The following SLIT2 variants were observed in gnomAD, a reference collection of about 807,000 sequenced individuals.
SLIT2 encodes slit guidance ligand 2, also known as slit homolog 2 protein.
A neutral mutation model predicts 185.7 loss-of-function variants in SLIT2; 41 were observed. The ratio of observed to expected loss-of-function variants is 0.22; its 90% CI spans 0.17 to 0.29. The LOEUF is 0.29. Among genes scored for constraint, SLIT2 ranks in the 10% least tolerant of loss-of-function variants. The probability of loss-of-function intolerance (pLI) is 1.00; values close to 1 mark genes in which losing one functional copy is unlikely to be tolerated. For synonymous variants in SLIT2, 693 were observed against 680.2 expected (o/e 1.02, Z -0.29); for missense variants, 1,571 against 1,909.0 (o/e 0.82, Z 3.30).
chr4:20,367,492 A>C (rs1723211377), intron 4 of SLIT2, among the ~76,000 whole-genome samples: 1 of 152,192 alleles, frequency 6.6e-6, no homozygotes, highest in Non-Finnish European at 1.5e-5. Flanking sequence ...ATTTATTTTA[A>C]ACCATTTATG....
At chr4:20,426,109 C>G (rs181260755) in intron 4 of SLIT2, among the ~76,000 whole-genome samples, 32 of 152,270 alleles carry the variant, frequency 2.1e-4, no homozygotes, top group Admixed American at 1.9e-3. Flanking sequence ...CCTTCTTCAC[C>G]ATTGCATCCT....
chr4:20,450,403 C>A (rs1448262740), intron 4 of SLIT2, among the ~76,000 whole-genome samples: 5 of 152,148 alleles, frequency 3.3e-5, no homozygotes, highest in East Asian at 1.9e-4. Flanking sequence ...TAGATATTTG[C>A]AGTTCCATTC....
At position 20,383,170 on chromosome 4, in the gene SLIT2, G is replaced by A. The variant is rs116827136; in HGVS notation, c.396-84582G>A. ...AGCTAAAACCTTGCAACTTCTAGTA[G>A]AAATAATGGAAGAAAATCTTAACTT... On this transcript the variant is annotated intron_variant, in intron 4 of 36. Transcript: ENST00000504154. Among the ~76,000 whole-genome samples the A allele has an allele frequency of 4.4e-3, 665 of 152,188 alleles. 1 individual carries two copies. The highest frequency in any genetic ancestry group is 8.6e-3 in the Admixed American group (132 of 15,278).
intron 11 of SLIT2, 134 bp downstream of exon 11, chr4:20,511,271 TTAAC>T: frequency 1.8e-6 from 1 of 559,088 alleles, no homozygotes; most frequent in Middle Eastern, 4.3e-4. Context: ...TTAATTATTA[TTAAC>T]CACTTCTGGG....
intron 4 of SLIT2, among the ~76,000 whole-genome samples, chr4:20,385,493 T>A (rs1724865328): frequency 6.6e-6 from 1 of 152,126 alleles, no homozygotes; most frequent in Non-Finnish European, 1.5e-5. Flanking sequence ...TCAGAGAGCT[T>A]GGCACATGTT....
At chr4:20,567,670 A>G (rs950147226) in intron 28 of SLIT2, 55 bp downstream of exon 28, 66 of 1,302,458 alleles carry the variant, frequency 5.1e-5, no homozygotes, top group Non-Finnish European at 6.8e-5. Context: ...AAAGATAACT[A>G]AGCCAACATA....
intron 33 of SLIT2, among the ~76,000 whole-genome samples, chr4:20,603,056 A>T (rs1560232205): frequency 6.6e-6 from 1 of 152,218 alleles, no homozygotes; most frequent in South Asian, 2.1e-4. Context: ...CACACTGCTG[A>T]TAAAGGCATA....
chr4:20,586,306 CA>C (rs1369821240), intron 29 of SLIT2, among the ~76,000 whole-genome samples: 1 of 152,060 alleles, frequency 6.6e-6, no homozygotes, highest in Admixed American at 6.5e-5. Flanking sequence ...AGTAATTAAG[CA>C]AAAAATTACA....
chr4:20,454,760 A>G (rs1280637378), intron 4 of SLIT2, among the ~76,000 whole-genome samples: 2 of 152,216 alleles, frequency 1.3e-5, no homozygotes, highest in Non-Finnish European at 2.9e-5. Flanking sequence ...TGCTGTTTCA[A>G]TTTATATAAT....
At chr4:20,593,153 A>T (rs1300648838) in intron 30 of SLIT2, among the ~76,000 whole-genome samples, 1 of 152,178 alleles carries the variant, frequency 6.6e-6, no homozygotes, top group East Asian at 1.9e-4. Context: ...TTATAGAATT[A>T]TAAAGACTAT....
intron 4 of SLIT2, among the ~76,000 whole-genome samples, chr4:20,305,575 G>A (rs953258642): frequency 1.3e-4 from 20 of 152,126 alleles, no homozygotes; most frequent in African/African-American, 4.6e-4. Context: ...GTAAAAATGT[G>A]TAATTAAGCA....
At chr4:20,617,345 T>C (rs1729743969) in intron 35 of SLIT2, 94 bp from the exon 36 acceptor site, 16 of 1,406,314 alleles carry the variant, frequency 1.1e-5, no homozygotes, top group Non-Finnish European at 1.6e-5. Flanking sequence ...GTCCCTCATA[T>C]TTTCTCAATC....
intron 4 of SLIT2, among the ~76,000 whole-genome samples, chr4:20,427,516 AT>A (rs1728648667): frequency 2.6e-5 from 4 of 152,186 alleles, no homozygotes; most frequent in Non-Finnish European, 5.9e-5. Context: ...ACCTATCTAT[AT>A]GATGTGCTTA....
chr4:20,394,431 T>A (rs1298441677), intron 4 of SLIT2: 4 of 151,972 alleles, frequency 2.6e-5, no homozygotes, highest in Non-Finnish European at 5.9e-5. Flanking sequence ...TTCAGAATAA[T>A]AAGATTTTAC....
chr4:20,530,382 AC>A (rs1270203875), intron 16 of SLIT2, among the ~76,000 whole-genome samples: 11 of 151,610 alleles, frequency 7.3e-5, no homozygotes, highest in Admixed American at 2.6e-4. Context: ...GGATCCTCCC[AC>A]CTCAGTCCCC....
At chr4:20,341,258 C>T (rs1381731414) in intron 4 of SLIT2, among the ~76,000 whole-genome samples, 1 of 152,184 alleles carries the variant, frequency 6.6e-6, no homozygotes, top group Non-Finnish European at 1.5e-5. Context: ...CCCTTCAGTA[C>T]CCATGGAGAA....
intron 4 of SLIT2, among the ~76,000 whole-genome samples, chr4:20,467,187 A>G (rs1009579840): frequency 3.9e-5 from 6 of 152,170 alleles, no homozygotes; most frequent in African/African-American, 1.2e-4. Flanking sequence ...TAAACCTGCT[A>G]TTAATATTTT....
At chr4:20,553,542 C>A (rs1723964637) in intron 25 of SLIT2, among the ~76,000 whole-genome samples, 1 of 152,166 alleles carries the variant, frequency 6.6e-6, no homozygotes, top group South Asian at 2.1e-4. Flanking sequence ...TATTAGGAGA[C>A]CTTCTAAAGC....
intron 4 of SLIT2, among the ~76,000 whole-genome samples, chr4:20,427,429 A>G (rs150409890): frequency 3.2e-4 from 49 of 152,342 alleles, no homozygotes; most frequent in African/African-American, 1.2e-3. Context: ...CTGTACATCC[A>G]CAGAATCAAA....
Sources: gnomAD v4.1 joint callset for allele counts (sites outside exome capture counted in the v4.1 genomes callset) on GRCh38, gnomAD v4.1.1 for gene constraint, MANE v1.5 for transcripts, NCBI Gene and HGNC (gene_info 2026-07-23, HGNC 2026-07-21) for gene names.